Variants in SLC22A4 observed in about 807,000 individuals in gnomAD.
The protein encoded by SLC22A4 is ET transporter.
A neutral mutation model predicts 56.6 loss-of-function variants in SLC22A4; 39 were observed. That is an observed-to-expected ratio of 0.69 (90% confidence interval 0.53 to 0.90). The LOEUF (loss-of-function observed/expected upper bound fraction) is 0.90, where lower values mean the gene tolerates loss of function less well. SLC22A4 is among the 40% of genes least tolerant of loss of function. The pLI is 0.00. For missense variants in SLC22A4, 594 were observed against 696.5 expected, an observed-to-expected ratio of 0.85 and a Z score of 1.66; for synonymous variants, 241 against 281.4, an observed-to-expected ratio of 0.86 and a Z score of 1.44.
chr5:132,297,939 C>G (rs1197381353), intron 1 of SLC22A4, among the ~76,000 whole-genome samples: 4 of 152,084 alleles, frequency 2.6e-5, no homozygotes, highest in Admixed American at 2.6e-4. Flanking sequence ...CAGGGCAAGA[C>G]CCCACCTCTA....
At chr5:132,341,502 T>C (rs750777293) in intron 9 of SLC22A4, among the ~76,000 whole-genome samples, 1 of 152,102 alleles carries the variant, frequency 6.6e-6, no homozygotes, top group South Asian at 2.1e-4. Flanking sequence ...TAGAAACCAA[T>C]GGAATAGGAT....
intron 1 of SLC22A4, among the ~76,000 whole-genome samples, chr5:132,310,561 T>A (rs1358473105): frequency 6.6e-6 from 1 of 152,188 alleles, no homozygotes; most frequent in African/African-American, 2.4e-5. Flanking sequence ...GATTTATCCT[T>A]GGATTGTGCC....
chr5:132,303,315 T>C (rs1233681466), intron 1 of SLC22A4, among the ~76,000 whole-genome samples: 3 of 151,206 alleles, frequency 2.0e-5, no homozygotes, highest in African/African-American at 7.4e-5. Flanking sequence ...CACACACACA[T>C]TTAGAGTCTC....
intron 3 of SLC22A4, 110 bp from the exon 4 acceptor site, chr5:132,322,074 T>C: frequency 4.9e-6 from 5 of 1,029,606 alleles, no homozygotes; most frequent in Non-Finnish European, 7.6e-6. Flanking sequence ...GCAAATGCCT[T>C]TCCCCTTTTC....
intron 5 of SLC22A4, among the ~76,000 whole-genome samples, chr5:132,328,228 G>A (rs1350434688): frequency 6.6e-6 from 1 of 152,212 alleles, no homozygotes; most frequent in Non-Finnish European, 1.5e-5. Flanking sequence ...AATGAGTGGA[G>A]AGGATGGGGC....
intron 8 of SLC22A4, among the ~76,000 whole-genome samples, chr5:132,339,700 A>G (rs1299038026): frequency 2.0e-5 from 3 of 152,198 alleles, no homozygotes; most frequent in African/African-American, 7.2e-5. Flanking sequence ...CAGATGGTCC[A>G]GTGGTCAGAC....
At chr5:132,321,173 G>C (rs1400614397) in intron 3 of SLC22A4, among the ~76,000 whole-genome samples, 1 of 152,244 alleles carries the variant, frequency 6.6e-6, no homozygotes, top group African/African-American at 2.4e-5. Context: ...TGTGTGGACA[G>C]GTCTAGGGCT....
At chr5:132,322,146 G>T (rs779414349) in intron 3 of SLC22A4, 38 bp from the exon 4 acceptor site, 10 of 1,567,624 alleles carry the variant, frequency 6.4e-6, no homozygotes, top group Non-Finnish European at 8.8e-6. Context: ...ATATTAAAGT[G>T]AGTTAATATG....
chr5:132,324,134 G>T (rs1377494822), intron 4 of SLC22A4, among the ~76,000 whole-genome samples: 1 of 152,112 alleles, frequency 6.6e-6, no homozygotes, highest in Non-Finnish European at 1.5e-5. Context: ...CAAGATTACA[G>T]TGCGCTATAT....
At chr5:132,316,116 C>T (rs1309346266) in intron 3 of SLC22A4, among the ~76,000 whole-genome samples, 1 of 152,164 alleles carries the variant, frequency 6.6e-6, no homozygotes, top group Non-Finnish European at 1.5e-5. Flanking sequence ...CCTTCGCTTC[C>T]ACCCTCTGGC....
chr5:132,318,471 C>T (rs553539706), intron 3 of SLC22A4, among the ~76,000 whole-genome samples: 10 of 152,220 alleles, frequency 6.6e-5, no homozygotes, highest in Non-Finnish European at 8.8e-5. Context: ...TCCTGGGTCT[C>T]GCCTCATATC....
At chr5:132,307,641 C>T (rs1446558241) in intron 1 of SLC22A4, among the ~76,000 whole-genome samples, 2 of 152,150 alleles carry the variant, frequency 1.3e-5, no homozygotes, top group East Asian at 1.9e-4. Context: ...TGATATTTCC[C>T]ATCCAATGCA....
intron 8 of SLC22A4, among the ~76,000 whole-genome samples, chr5:132,337,169 T>C (rs1434654051): frequency 1.3e-5 from 2 of 152,064 alleles, no homozygotes; most frequent in Non-Finnish European, 2.9e-5. Context: ...AAAAATTTCA[T>C]AGATATTCCC....
chr5:132,316,807 A>G (rs1042044514), intron 3 of SLC22A4, among the ~76,000 whole-genome samples: 1 of 152,152 alleles, frequency 6.6e-6, no homozygotes, highest in African/African-American at 2.4e-5. Context: ...CCACATATAT[A>G]TATATTTTTT....
At chr5:132,339,443 A>G (rs541745527) in intron 8 of SLC22A4, among the ~76,000 whole-genome samples, 16 of 149,116 alleles carry the variant, frequency 1.1e-4, no homozygotes, top group Non-Finnish European at 2.2e-4. Flanking sequence ...CACCTCATCA[A>G]TTGGGCAATT....
chr5:132,331,573 A>T (rs866457978), intron 5 of SLC22A4, among the ~76,000 whole-genome samples, 183 bp from the exon 6 acceptor site: 18 of 152,286 alleles, frequency 1.2e-4, no homozygotes, highest in Middle Eastern at 6.8e-3. Context: ...GACTACAAAC[A>T]TTTTAAAGTG....
chr5:132,301,923 T>C (rs1404727246), intron 1 of SLC22A4, among the ~76,000 whole-genome samples: 1 of 152,210 alleles, frequency 6.6e-6, no homozygotes, highest in Non-Finnish European at 1.5e-5. Flanking sequence ...TCCAAGTCCA[T>C]ACTCAGACCT....
chr5:132,329,094 C>G (rs1750781144), intron 5 of SLC22A4, among the ~76,000 whole-genome samples: 1 of 151,758 alleles, frequency 6.6e-6, no homozygotes. Flanking sequence ...TGCCACCAAA[C>G]CCAGCTAACA....
intron 1 of SLC22A4, among the ~76,000 whole-genome samples, chr5:132,302,637 G>A (rs771068889): frequency 8.5e-5 from 13 of 152,184 alleles, no homozygotes; most frequent in Non-Finnish European, 1.5e-4. Context: ...AGGTTCAGGC[G>A]GCAACTTCCA....
Sources: allele counts gnomAD v4.1 joint callset (sites outside exome capture counted in the v4.1 genomes callset), GRCh38; gene constraint gnomAD v4.1.1; transcripts MANE v1.5; gene names NCBI Gene and HGNC (gene_info 2026-07-23, HGNC 2026-07-21).